Variants in NLGN1 observed in about 807,000 individuals in gnomAD.
NLGN1 encodes the protein neuroligin 1.
In NLGN1, 12 loss-of-function variants were observed where a neutral mutation model predicts 65.5. That is an observed-to-expected ratio of 0.18 (90% CI 0.12 to 0.30). The LOEUF (loss-of-function observed/expected upper bound fraction) is 0.30. NLGN1 is among the 10% of genes least tolerant of loss of function. NLGN1 has a pLI of 1.00. For synonymous variants in NLGN1, 350 were observed against 359.5 expected, an observed-to-expected ratio of 0.97 and a Z score of 0.30; for missense variants, 750 against 1,007.1, an observed-to-expected ratio of 0.74 and a Z score of 3.46.
chr3:173,717,777 C>T (rs1770118893), intron 3 of NLGN1, among the ~76,000 whole-genome samples: 1 of 152,074 alleles, frequency 6.6e-6, no homozygotes, highest in Non-Finnish European at 1.5e-5. Flanking sequence ...TTTATAAACT[C>T]TGGCCCTCAG....
intron 4 of NLGN1, among the ~76,000 whole-genome samples, chr3:173,944,161 GTT>G (rs1746726436): frequency 6.7e-6 from 1 of 149,196 alleles, no homozygotes; most frequent in South Asian, 2.1e-4. Flanking sequence ...GTGTGTGTGT[GTT>G]TTGTCCCTAT....
At chr3:174,151,122 A>G (rs949420914) in intron 4 of NLGN1, among the ~76,000 whole-genome samples, 1 of 151,700 alleles carries the variant, frequency 6.6e-6, no homozygotes, top group Non-Finnish European at 1.5e-5. Flanking sequence ...GAGCTGCGAT[A>G]TCATATATTG....
intron 4 of NLGN1, among the ~76,000 whole-genome samples, chr3:174,065,586 T>A (rs938046760): frequency 4.6e-5 from 7 of 152,244 alleles, no homozygotes; most frequent in Middle Eastern, 3.4e-3. Context: ...TCTCATTGAT[T>A]CCTGCCTCCT....
At chr3:173,697,796 C>T (rs1008318115) in intron 3 of NLGN1, among the ~76,000 whole-genome samples, 28 of 152,292 alleles carry the variant, frequency 1.8e-4, no homozygotes, top group Non-Finnish European at 3.2e-4. Flanking sequence ...TCCCAAAGTA[C>T]TGGGATTACA....
At chr3:174,082,815 G>A (rs1254714791) in intron 4 of NLGN1, among the ~76,000 whole-genome samples, 1 of 151,992 alleles carries the variant, frequency 6.6e-6, no homozygotes, top group Non-Finnish European at 1.5e-5. Flanking sequence ...CCGCCTCCCA[G>A]GTTCAAGCAA....
intron 4 of NLGN1, among the ~76,000 whole-genome samples, chr3:174,092,995 C>T (rs1219020894): frequency 6.6e-6 from 1 of 152,150 alleles, no homozygotes; most frequent in Non-Finnish European, 1.5e-5. Flanking sequence ...CATTGTCATT[C>T]CCTTGAGCTA....
chr3:173,573,650 T>G (rs1745004254), intron 2 of NLGN1, among the ~76,000 whole-genome samples: 1 of 151,348 alleles, frequency 6.6e-6, no homozygotes, highest in Non-Finnish European at 1.5e-5. Context: ...CTTATTATTT[T>G]TATGCTATTA....
At chr3:173,850,426 G>A (rs1726686759) in intron 4 of NLGN1, among the ~76,000 whole-genome samples, 1 of 152,018 alleles carries the variant, frequency 6.6e-6, no homozygotes, top group Non-Finnish European at 1.5e-5. Flanking sequence ...TGTGATTTCT[G>A]GGTTATGCTT....
intron 4 of NLGN1, among the ~76,000 whole-genome samples, chr3:174,191,267 A>G (rs1561253930): frequency 1.3e-5 from 2 of 152,088 alleles, no homozygotes; most frequent in Non-Finnish European, 2.9e-5. Context: ...TTTTTGCTCT[A>G]TCAAAGTTCT....
intron 2 of NLGN1, among the ~76,000 whole-genome samples, chr3:173,547,083 A>G (rs9847857): frequency 0.57 from 86,572 of 151,856 alleles, 24,766 homozygotes; most frequent in East Asian, 0.85. Context: ...CCACTTTGGC[A>G]TACTTGTTAA....
rs1175597667 is a variant in NLGN1, at chr3:174,071,157, A to G, written c.647-204158A>G. On this transcript the variant is annotated intron_variant, in intron 4 of 6. Coordinates refer to ENST00000457714, the Ensembl canonical transcript of NLGN1. ...AACTCCGAAATTTTTTGGTGACCAC[A>G]GGGAAGAAAAACAGGGAAGTGAGGC... 2.0e-5 allele frequency among the ~76,000 whole-genome samples: 3 copies of G among 152,348 alleles called. No homozygotes were observed. The East Asian group carries it at 5.8e-4, about 29-fold the overall frequency.
intron 2 of NLGN1, among the ~76,000 whole-genome samples, chr3:173,551,716 C>T (rs569007488): frequency 1.3e-3 from 199 of 152,184 alleles, no homozygotes; most frequent in African/African-American, 4.6e-3. Context: ...ATCTTGGTAC[C>T]GAAATCATCC....
chr3:173,965,304 A>T (rs2152356812), intron 4 of NLGN1, among the ~76,000 whole-genome samples: 1 of 151,922 alleles, frequency 6.6e-6, no homozygotes, highest in East Asian at 1.9e-4. Flanking sequence ...CCCCTAGAAC[A>T]TTTATTATTA....
At chr3:173,424,236 C>G (rs1437494667) in intron 1 of NLGN1, among the ~76,000 whole-genome samples, 1 of 152,152 alleles carries the variant, frequency 6.6e-6, no homozygotes, top group African/African-American at 2.4e-5. Flanking sequence ...TTTTTCCCTC[C>G]TAGGCCTCTG....
intron 2 of NLGN1, among the ~76,000 whole-genome samples, chr3:173,524,697 G>A (rs577964598): frequency 6.6e-5 from 10 of 152,102 alleles, no homozygotes; most frequent in African/African-American, 2.4e-4. Context: ...GTTGGTTGTG[G>A]GTTTTTCATA....
In NLGN1 at chr3:173,529,603, A is replaced by G. The variant is rs1192149151; in HGVS notation, c.-320-74676A>G. ...CCTGTCCTGGGGGCTTGTGACTCTTAGTTCAGATCCACACCATTTGTCCAT... is the reference window on the plus strand; with the variant it reads ...CCTGTCCTGGGGGCTTGTGACTCTTGGTTCAGATCCACACCATTTGTCCAT... On this transcript the variant is annotated intron_variant, in intron 2 of 6. Transcript: ENST00000457714. Among the ~76,000 whole-genome samples, 3 of 151,824 alleles carry G rather than the reference A, an allele frequency of 2.0e-5. No homozygotes were observed. The South Asian group carries it at 6.2e-4, about 32-fold the overall frequency.
At chr3:174,058,467 C>T (rs1202405236) in intron 4 of NLGN1, among the ~76,000 whole-genome samples, 5 of 152,046 alleles carry the variant, frequency 3.3e-5, no homozygotes, top group African/African-American at 1.2e-4. Context: ...CATGTTACAA[C>T]ACAGAGAGAT....
chr3:173,538,502 A>G (rs1232812555), intron 2 of NLGN1, among the ~76,000 whole-genome samples: 1 of 152,192 alleles, frequency 6.6e-6, no homozygotes, highest in Non-Finnish European at 1.5e-5. Context: ...AGAGAAGGCA[A>G]ATCTAAATCC....
intron 3 of NLGN1, among the ~76,000 whole-genome samples, chr3:173,724,958 C>T (rs1044578060): frequency 1.3e-5 from 2 of 151,852 alleles, no homozygotes; most frequent in East Asian, 1.9e-4. Flanking sequence ...TGCATGTTCT[C>T]ACTCATAGGT....
Sources: gnomAD v4.1 joint callset for allele counts (sites outside exome capture counted in the v4.1 genomes callset) on GRCh38, gnomAD v4.1.1 for gene constraint, MANE v1.5 for transcripts, NCBI Gene and HGNC (gene_info 2026-07-23, HGNC 2026-07-21) for gene names.